The following PTPRN2 variants were observed in gnomAD, a reference collection of about 807,000 sequenced individuals.
PTPRN2 encodes receptor-type tyrosine-protein phosphatase N2.
A neutral mutation model predicts 118.8 loss-of-function variants in PTPRN2; 74 were observed. The observed-to-expected ratio is 0.62, with a 90% CI of 0.52 to 0.76. The LOEUF is 0.76. Ranked by LOEUF, PTPRN2 falls within the 30% of genes least tolerant of loss-of-function variation. PTPRN2 has a pLI of 0.00. For missense variants in PTPRN2, 1,481 were observed against 1,394.4 expected, an observed-to-expected ratio of 1.06 and a Z score of -0.99; for synonymous variants, 641 against 608.0, an observed-to-expected ratio of 1.05 and a Z score of -0.80.
intron 12 of PTPRN2, among the ~76,000 whole-genome samples, chr7:157,770,499 T>A (rs1796260): frequency 6.6e-6 from 1 of 152,046 alleles, no homozygotes; most frequent in Admixed American, 6.5e-5. Flanking sequence ...GAATTATGAA[T>A]GCGTGAAGCT....
chr7:157,878,357 T>C (rs1795910599), intron 12 of PTPRN2, among the ~76,000 whole-genome samples: 1 of 147,352 alleles, frequency 6.8e-6, no homozygotes, highest in Non-Finnish European at 1.5e-5. Context: ...TGTGATACCA[T>C]GCACCCACAC....
intron 2 of PTPRN2, among the ~76,000 whole-genome samples, chr7:158,348,623 G>A (rs1472017687): frequency 6.6e-6 from 1 of 152,172 alleles, no homozygotes; most frequent in Non-Finnish European, 1.5e-5. Context: ...AACACCTGAG[G>A]TCCTTCCCTC....
intron 12 of PTPRN2, among the ~76,000 whole-genome samples, chr7:157,733,220 C>G (rs377630669): frequency 1.4e-4 from 3 of 21,180 alleles, no homozygotes; most frequent in African/African-American, 5.3e-4. Flanking sequence ...TCCCGTCCCA[C>G]GCGCCCAGCA....
At chr7:158,465,998 A>T (rs1413811483) in intron 2 of PTPRN2, among the ~76,000 whole-genome samples, 1 of 152,220 alleles carries the variant, frequency 6.6e-6, no homozygotes, top group Non-Finnish European at 1.5e-5. Flanking sequence ...TGCATGATGC[A>T]TCCATGCAGT....
intron 3 of PTPRN2, among the ~76,000 whole-genome samples, chr7:158,246,800 G>A (rs2150875776): frequency 6.6e-6 from 1 of 152,104 alleles, no homozygotes; most frequent in South Asian, 2.1e-4. Context: ...CCATGGCCAT[G>A]CCGGAATCCG....
chr7:158,319,482 C>T (rs1186919944), intron 2 of PTPRN2, among the ~76,000 whole-genome samples: 5 of 70,416 alleles, frequency 7.1e-5, no homozygotes, highest in Admixed American at 4.1e-4. Context: ...ACAAGCACAG[C>T]CTCCCTCACA....
chr7:158,045,543 G>A (rs769549885), intron 11 of PTPRN2, among the ~76,000 whole-genome samples: 7 of 152,188 alleles, frequency 4.6e-5, no homozygotes, highest in Non-Finnish European at 7.3e-5. Flanking sequence ...GGACGTGGGC[G>A]CAGCTGGCAC....
Position 158,003,413 on chromosome 7 carries a change from C to CCA in PTPRN2, c.1723+77884_1723+77885insTG, listed in dbSNP as rs1805418872. Among the ~76,000 whole-genome samples, 1 of 87,398 alleles carries CCA rather than the reference C, an allele frequency of 1.1e-5. No individual in the cohort carries two copies. The highest frequency in any genetic ancestry group is 2.3e-5 in the Non-Finnish European group (1 of 44,148). The allele number at this position is 87,398 out of a possible 152,430, so 57.3% of individuals were successfully genotyped here. A position where few individuals can be genotyped will look rare whatever the true frequency, so the allele number is the denominator to read the frequency against. On this transcript the variant is annotated intron_variant, in intron 11 of 22. Coordinates refer to ENST00000389418, the MANE Select transcript of PTPRN2 (RefSeq NM_002847.5). This position sits in a 1 kb window ranked among gnomAD's most constrained non-coding sequence, Gnocchi z 5.0. ...TGGGAGACACAGCGAGACTCCGTCT[C>CCA]AAAAAAAAAAAAAAAAAAAAATGAG...
chr7:158,376,704 G>A (rs1193214194), intron 2 of PTPRN2, among the ~76,000 whole-genome samples: 13 of 127,664 alleles, frequency 1.0e-4, no homozygotes, highest in Non-Finnish European at 1.8e-4. Context: ...CGTCCTGCAC[G>A]CGGGGTCAGG....
chr7:158,287,205 T>C (rs1407190809), intron 3 of PTPRN2, among the ~76,000 whole-genome samples: 1 of 152,144 alleles, frequency 6.6e-6, no homozygotes, highest in Non-Finnish European at 1.5e-5. Flanking sequence ...CATTTCTCAT[T>C]CCACTTGACT....
In PTPRN2 at chr7:158,411,251, G is replaced by A. The variant is rs370635257; in HGVS notation, c.163+78484C>T. Among the ~76,000 whole-genome samples the A allele has an allele frequency of 3.3e-5, 5 of 152,286 alleles. No individual in the cohort carries two copies. The South Asian group carries it at 8.3e-4, about 25-fold the overall frequency. On this transcript the variant is annotated intron_variant, in intron 2 of 22. Transcript: ENST00000389418. Reference sequence around the variant, plus strand: ...ACGGCTTCTTCACACGCTTCCCAGTGGGTTCATTCTCCCTTCCCCACGTAA... The same window carrying A: ...ACGGCTTCTTCACACGCTTCCCAGTAGGTTCATTCTCCCTTCCCCACGTAA...
intron 12 of PTPRN2, among the ~76,000 whole-genome samples, chr7:157,796,942 T>G (rs4716499): frequency 0.13 from 19,185 of 152,152 alleles, 1,303 homozygotes; most frequent in Non-Finnish European, 0.14. Flanking sequence ...CAGGAGATTT[T>G]GGGGCACACT....
chr7:157,855,207 G>A (rs1481858158), intron 12 of PTPRN2, among the ~76,000 whole-genome samples: 4 of 150,748 alleles, frequency 2.7e-5, no homozygotes, highest in African/African-American at 4.9e-5. Flanking sequence ...GGGCCGGATC[G>A]GGGAGGATGG....
chr7:158,175,564 GA>G (rs1824114659), intron 5 of PTPRN2, among the ~76,000 whole-genome samples: 1 of 152,166 alleles, frequency 6.6e-6, no homozygotes, highest in Non-Finnish European at 1.5e-5. Flanking sequence ...GTGTGGAGGG[GA>G]AATAATTGTG....
At chr7:158,276,245 C>CACCAACAGG (rs1798964029) in intron 3 of PTPRN2, among the ~76,000 whole-genome samples, 1 of 43,278 alleles carries the variant, frequency 2.3e-5, no homozygotes. Context: ...ACATCCCGGT[C>CACCAACAGG]CTGGTAGCAC....
chr7:158,221,027 C>A (rs1327828330), intron 3 of PTPRN2, among the ~76,000 whole-genome samples: 1 of 151,964 alleles, frequency 6.6e-6, no homozygotes, highest in African/African-American at 2.4e-5. Flanking sequence ...ACACATAGAC[C>A]AATGGAACAG....
Position 157,674,035 on chromosome 7 carries a change from C to G in PTPRN2, c.2001+8690G>C, listed in dbSNP as rs1346671454. 1.3e-5 allele frequency among the ~76,000 whole-genome samples: 2 copies of G among 152,160 alleles called. No individual in the cohort carries two copies. Among genetic ancestry groups the G allele is most frequent in the African/African-American group, 4.8e-5 (2 of 41,432 alleles). ...GGGTCAGCTCCAAGTTCAGCTATCC[C>G]GAGGTTCCAAGGCTGTCTGCCCACC... is the stretch of plus-strand genomic sequence containing the variant. On this transcript the variant is annotated intron_variant, in intron 13 of 22. Coordinates refer to ENST00000389418, the MANE Select transcript of PTPRN2 (RefSeq NM_002847.5). The surrounding 1 kb of genome is among the most constrained non-coding windows in gnomAD (Gnocchi z 4.5).
At chr7:158,002,555 A>C (rs1227932712) in intron 11 of PTPRN2, among the ~76,000 whole-genome samples, 1 of 152,148 alleles carries the variant, frequency 6.6e-6, no homozygotes, top group African/African-American at 2.4e-5. Context: ...GGTGTGGATG[A>C]GGGAGAAAAC....
At chr7:158,296,165 C>G (rs1390251008) in intron 3 of PTPRN2, among the ~76,000 whole-genome samples, 3 of 152,138 alleles carry the variant, frequency 2.0e-5, no homozygotes, top group Admixed American at 1.3e-4. Context: ...ATGCCTCTAT[C>G]CTGTGCCTAT....
Sources: gnomAD v4.1 joint callset for allele counts (sites outside exome capture counted in the v4.1 genomes callset) on GRCh38, gnomAD v4.1.1 for gene constraint, Gnocchi (gnomAD v3.1) non-coding constraint, MANE v1.5 for transcripts, NCBI Gene and HGNC (gene_info 2026-07-23, HGNC 2026-07-21) for gene names.